GGA1: variants seen among roughly 807,000 people sequenced by gnomAD.
GGA1 encodes ADP-ribosylation factor-binding protein GGA1.
In GGA1, 18 loss-of-function variants were observed where a neutral mutation model predicts 76.9. The observed-to-expected ratio is 0.23, with a 90% CI of 0.16 to 0.35. GGA1 has a LOEUF of 0.35. Among genes scored for constraint, GGA1 ranks in the 10% least tolerant of loss-of-function variants. GGA1 has a pLI of 1.00. For missense variants in GGA1, 755 were observed against 859.0 expected, an observed-to-expected ratio of 0.88 and a Z score of 1.51; for synonymous variants, 342 against 354.7, an observed-to-expected ratio of 0.96 and a Z score of 0.40.
chr22:37,619,743 A>G, intron 4 of GGA1: 1 of 774,244 alleles, frequency 1.3e-6, no homozygotes, highest in East Asian at 2.4e-5. Flanking sequence ...GCTCAGACCC[A>G]TCCTTTGACC....
intron 1 of GGA1, among the ~76,000 whole-genome samples, chr22:37,609,718 C>T (rs1411157201): frequency 6.6e-6 from 1 of 152,218 alleles, no homozygotes; most frequent in Non-Finnish European, 1.5e-5. Flanking sequence ...CCTGCTCTCA[C>T]AGCCCCGCTC....
In GGA1 at chr22:37,609,359, A is replaced by T. The variant is rs186284993; in HGVS notation, c.43+456A>T. On this transcript the variant is annotated intron_variant, in intron 1 of 16. Transcript: ENST00000343632. ...CCTGCATGGCGTTCCTGGAGCCCGCAAGTAGTCACATTTGCTCATTACCCC... is the reference window on the plus strand; with the variant it reads ...CCTGCATGGCGTTCCTGGAGCCCGCTAGTAGTCACATTTGCTCATTACCCC... 248 of 1,096,548 alleles carry T rather than the reference A, an allele frequency of 2.3e-4. 4 individuals are homozygous for T. The East Asian group carries it at 0.018, about 80-fold the overall frequency. 67.9% of individuals were successfully genotyped at this position (1,096,548 alleles called of 1,614,324 possible). A position where few individuals can be genotyped will look rare whatever the true frequency, so the allele number is the denominator to read the frequency against.
Position 37,623,204 on chromosome 22 carries a change from AGT to A in GGA1, c.610-119_610-118del. The A allele has an allele frequency of 1.1e-6, 1 of 940,796 alleles. No individual in the cohort carries two copies. Among genetic ancestry groups the A allele is most frequent in the Non-Finnish European group, 1.7e-6 (1 of 587,290 alleles). The allele number at this position is 940,796 out of a possible 1,614,324, so 58.3% of individuals were successfully genotyped here. A position where few individuals can be genotyped will look rare whatever the true frequency, so the allele number is the denominator to read the frequency against. On this transcript the variant is annotated intron_variant, in intron 7 of 16. Coordinates refer to ENST00000343632, the MANE Select transcript of GGA1 (RefSeq NM_013365.5). This position sits in a 1 kb window ranked among gnomAD's most constrained non-coding sequence, Gnocchi z 4.6. Reference sequence around the variant, plus strand: ...CAGGGCCTGCTGGAGCCCCACCCAGAGTGTGATCCCACAGTCACCCAGCTGTC... The same window carrying A: ...CAGGGCCTGCTGGAGCCCCACCCAGAGTGATCCCACAGTCACCCAGCTGTC...
At position 37,625,982 on chromosome 22, in the gene GGA1, G is replaced by A. The variant is rs760106060; in HGVS notation, c.1093+33G>A. On this transcript the variant is annotated intron_variant, in intron 11 of 16. Transcript: ENST00000343632. The surrounding 1 kb of genome is among the most constrained non-coding windows in gnomAD (Gnocchi z 4.1). ...AGGGGCCAGGCCTGGAGGAGGGCGGGCTCAGCAGCAGATGGGGCATGATCC... is the reference window on the plus strand; with the variant it reads ...AGGGGCCAGGCCTGGAGGAGGGCGGACTCAGCAGCAGATGGGGCATGATCC... The A allele has an allele frequency of 5.2e-6, 8 of 1,533,784 alleles. No individual in the cohort carries two copies. In the Admixed American group the frequency reaches 8.9e-5, roughly 17 times the overall value.
At chr22:37,609,079 C>G in intron 1 of GGA1, 176 bp downstream of exon 1, 2 of 1,489,522 alleles carry the variant, frequency 1.3e-6, no homozygotes, top group Non-Finnish European at 8.9e-7. Context: ...AGGACCCCGG[C>G]CCCGGCGCGG....
At chr22:37,627,643 C>T (rs1041894725) in intron 11 of GGA1, among the ~76,000 whole-genome samples, 1 of 152,340 alleles carries the variant, frequency 6.6e-6, no homozygotes, top group East Asian at 1.9e-4. Flanking sequence ...CCAGCAGCTG[C>T]AGCACCACCT....
Position 37,632,547 on chromosome 22 carries a change from G to C in GGA1, c.1809+32G>C. ...GGCCCCCAGGCAGTGCTGCAGGGTG[G>C]GGACGGCCACTTCTCCTCCTCTGAC... is the stretch of plus-strand genomic sequence containing the variant. On this transcript the variant is annotated intron_variant, in intron 16 of 16. Transcript: ENST00000343632. This position sits in a 1 kb window ranked among gnomAD's most constrained non-coding sequence, Gnocchi z 5.1. The C allele has an allele frequency of 1.3e-6, 2 of 1,584,024 alleles. No individual in the cohort carries two copies. The highest frequency in any genetic ancestry group is 1.7e-6 in the Non-Finnish European group (2 of 1,152,834).
At chr22:37,615,835 G>A (rs2145903268) in intron 2 of GGA1, among the ~76,000 whole-genome samples, 1 of 150,310 alleles carries the variant, frequency 6.7e-6, no homozygotes, top group Non-Finnish European at 1.5e-5. Context: ...GTTGGGAGTG[G>A]ACATTCTTTT....
At position 37,615,154 on chromosome 22, in the gene GGA1, TAAA is replaced by T. The variant is rs575023050; in HGVS notation, c.128+885_128+887del. 1.7e-3 allele frequency among the ~76,000 whole-genome samples: 246 copies of T among 148,268 alleles called. 1 individual carries two copies. The highest frequency in any genetic ancestry group is 5.8e-3 in the African/African-American group (235 of 40,194). On this transcript the variant is annotated intron_variant, in intron 2 of 16. Transcript: ENST00000343632. ...TAGCGAGACATCATCTCTTAAAAAA[TAAA>T]AAAATAGGCCAGGCATGGTGGCTCA... is the stretch of plus-strand genomic sequence containing the variant.
intron 4 of GGA1, among the ~76,000 whole-genome samples, chr22:37,619,235 T>G (rs1929394230): frequency 6.6e-6 from 1 of 151,850 alleles, no homozygotes; most frequent in East Asian, 1.9e-4. Flanking sequence ...CCGGCTAATT[T>G]TTTGTATTTT....
At chr22:37,613,957 C>T (rs941872661) in intron 1 of GGA1, 7 of 511,202 alleles carry the variant, frequency 1.4e-5, no homozygotes, top group African/African-American at 1.2e-4. Flanking sequence ...AGGGGAAGGG[C>T]CCTGACCATA....
intron 1 of GGA1, among the ~76,000 whole-genome samples, chr22:37,613,772 A>T (rs1928210747): frequency 6.6e-6 from 1 of 151,874 alleles, no homozygotes; most frequent in Non-Finnish European, 1.5e-5. Flanking sequence ...CCCTTGGCCC[A>T]CTTCCCGGCT....
intron 1 of GGA1, chr22:37,613,915 G>A (rs1405550245): frequency 1.1e-5 from 5 of 441,248 alleles, no homozygotes; most frequent in Non-Finnish European, 2.1e-5. Flanking sequence ...GGCGTGATGG[G>A]TCCAGCTGCA....
At chr22:37,626,467 G>C (rs772537071) in intron 11 of GGA1, 26 of 152,142 alleles carry the variant, frequency 1.7e-4, no homozygotes, top group African/African-American at 6.0e-4. Context: ...AGGCTTCCCC[G>C]GGGGGAAGCA....
chr22:37,614,707 A>G (rs1039220237), intron 2 of GGA1, among the ~76,000 whole-genome samples: 1 of 152,190 alleles, frequency 6.6e-6, no homozygotes, highest in East Asian at 1.9e-4. Flanking sequence ...GGCCAGGCAC[A>G]GTGGCTCATG....
chr22:37,632,677 A>G lies in GGA1; in HGVS notation c.1886A>G (p.Gln629Arg). 1 of 1,611,626 alleles carries G rather than the reference A, an allele frequency of 6.2e-7. No individual in the cohort carries two copies. The highest frequency in any genetic ancestry group is 8.5e-7 in the Non-Finnish European group (1 of 1,178,214). Residue 629 changes from glutamine (Q) to arginine (R), a missense_variant, in exon 17 of 17, where the codon CAG (glutamine) becomes CGG (arginine). Gln to Arg is a conservative substitution (Grantham distance 43). Transcript: ENST00000343632. This position sits in a 1 kb window ranked among gnomAD's most constrained non-coding sequence, Gnocchi z 5.1. Reference sequence around the variant, plus strand: ...TACAACGAGATGGGGGATGTGGACCAGTTCCCCCCACCTGAAACCTGGGGT... The same window carrying G: ...TACAACGAGATGGGGGATGTGGACCGGTTCCCCCCACCTGAAACCTGGGGT... ...QTYNEMGDVD[Q>R]FPPPETWGSL
In GGA1 at chr22:37,632,297, G is replaced by C. The variant is rs988070235; in HGVS notation, c.1699-108G>C. 1.1e-5 allele frequency: 14 copies of C among 1,295,004 alleles called. No homozygotes were observed. In the African/African-American group the frequency reaches 1.9e-4, roughly 18 times the overall value. 80.2% of individuals were successfully genotyped at this position (1,295,004 alleles called of 1,614,324 possible). A position where few individuals can be genotyped will look rare whatever the true frequency, so the allele number is the denominator to read the frequency against. ...GTGGTTGGTGTAGAAGGGACCAGAAGGACTGAGCCCCAGGATCCCCGGAGG... is the reference window on the plus strand; with the variant it reads ...GTGGTTGGTGTAGAAGGGACCAGAACGACTGAGCCCCAGGATCCCCGGAGG... On this transcript the variant is annotated intron_variant, in intron 15 of 16. Transcript: ENST00000343632. This position sits in a 1 kb window ranked among gnomAD's most constrained non-coding sequence, Gnocchi z 5.1.
chr22:37,616,783 C>T (rs551592576), intron 2 of GGA1, 139 bp from the exon 3 acceptor site: 920 of 1,020,740 alleles, frequency 9.0e-4, no homozygotes, highest in Non-Finnish European at 1.2e-3. Flanking sequence ...GTCTCGGCGG[C>T]GGGCTGGGGT....
chr22:37,608,843 G>T lies in GGA1; in HGVS notation c.-18G>T. On this transcript the variant is annotated 5_prime_UTR_variant, in exon 1 of 17. Transcript: ENST00000343632. ...CGGGGGGCGGGGGGGCGGTGCCGAG[G>T]CTGGGGGCCGGTGGCGGATGGAGCC... is the stretch of plus-strand genomic sequence containing the variant. The T allele has an allele frequency of 1.5e-6, 2 of 1,308,594 alleles. No homozygotes were observed. Among genetic ancestry groups the T allele is most frequent in the Non-Finnish European group, 1.9e-6 (2 of 1,030,638 alleles). The allele number at this position is 1,308,594 out of a possible 1,614,324, so 81.1% of individuals were successfully genotyped here. A position where few individuals can be genotyped will look rare whatever the true frequency, so the allele number is the denominator to read the frequency against.
Sources: allele counts gnomAD v4.1 joint callset (sites outside exome capture counted in the v4.1 genomes callset), GRCh38; gene constraint gnomAD v4.1.1; non-coding constraint Gnocchi (gnomAD v3.1); transcripts MANE v1.5; gene names NCBI Gene and HGNC (gene_info 2026-07-23, HGNC 2026-07-21).